TEX11: variants seen among roughly 807,000 people sequenced by gnomAD.
TEX11 encodes the protein testis-expressed protein 11.
TEX11 carries 7 observed loss-of-function variants against 84.4 expected under a neutral mutation model. The observed-to-expected ratio is 0.08, with a 90% CI of 0.05 to 0.16. The LOEUF (loss-of-function observed/expected upper bound fraction) is 0.16. Among genes scored for constraint, TEX11 ranks in the 10% least tolerant of loss-of-function variants. The pLI, the probability that TEX11 is intolerant of heterozygous loss-of-function variation, is 1.00. For missense variants in TEX11, 551 were observed against 660.5 expected, an observed-to-expected ratio of 0.83 and a Z score of 1.82; for synonymous variants, 264 against 222.8, an observed-to-expected ratio of 1.18 and a Z score of -1.64.
Position 70,629,651 on chromosome X carries a change from G to C in TEX11, c.1568C>G (p.Pro523Arg). The part of the protein sequence containing the change: ...DNDLVAERGS[P>R]TMLLSLAAQF... ...GGCAGCTAAACTTAGAAGCATGGTA[G>C]GTGAACCTCTCTCTGCAACTAGATC... is the stretch of plus-strand genomic sequence containing the variant. Residue 523 changes from proline (P) to arginine (R), a missense_variant, in exon 18 of 30, where the codon CCT becomes CGT. Pro to Arg is a moderately radical substitution (Grantham distance 103, BLOSUM62 -2). Transcript: ENST00000374333. The C allele has an allele frequency of 8.3e-7, 1 of 1,206,918 alleles. No individual in the cohort carries two copies. The highest frequency in any genetic ancestry group is 1.1e-6 in the Non-Finnish European group (1 of 891,881).
chrX:70,885,787 A>T (rs943042204), intron 2 of TEX11, among the ~76,000 whole-genome samples: 3 of 107,066 alleles, frequency 2.8e-5, no homozygotes, highest in Non-Finnish European at 5.8e-5. Flanking sequence ...GGTACTTGGG[A>T]GGCTGAAGCA....
chrX:70,907,768 A>G lies in TEX11; in HGVS notation c.22T>C (p.Ser8Pro), dbSNP rs1171647614. MDNDDFF[S>P]MDFKEVVENL... ...AGCTACGTACCTTTAAAGTCCATGG[A>G]AAAAAAATCATCATTGTCCATTTTT... is the stretch of plus-strand genomic sequence containing the variant. Residue 8 changes from serine to proline, a missense_variant, in exon 2 of 30, where the codon TCC becomes CCC. Coordinates refer to ENST00000374333, the MANE Select transcript of TEX11 (RefSeq NM_031276.3). The G allele has an allele frequency of 5.9e-6, 7 of 1,179,805 alleles. No homozygotes were observed. The highest frequency in any genetic ancestry group is 5.3e-5 in the African/African-American group (3 of 56,710).
chrX:70,694,618 T>G (rs921275819), intron 13 of TEX11, among the ~76,000 whole-genome samples: 2 of 112,290 alleles, frequency 1.8e-5, no homozygotes, highest in African/African-American at 6.5e-5. Context: ...AAATGAATGT[T>G]GTAACTACTT....
chrX:70,714,599 A>C (rs2090477787), intron 13 of TEX11, among the ~76,000 whole-genome samples: 1 of 111,259 alleles, frequency 9.0e-6, no homozygotes, highest in South Asian at 3.8e-4. Context: ...GTATTATCAG[A>C]GACTAGGATT....
chrX:70,700,115 T>C (rs986153828), intron 13 of TEX11, among the ~76,000 whole-genome samples: 22 of 110,800 alleles, frequency 2.0e-4, no homozygotes, highest in Non-Finnish European at 3.2e-4. Context: ...GTTTTTTGTT[T>C]GTTTGTTTGT....
intron 9 of TEX11, among the ~76,000 whole-genome samples, chrX:70,761,535 T>G (rs746377837): frequency 2.7e-5 from 3 of 111,761 alleles, no homozygotes; most frequent in Non-Finnish European, 5.6e-5. Context: ...CCGCATGTTC[T>G]CACTCATAAG....
intron 8 of TEX11, among the ~76,000 whole-genome samples, chrX:70,819,099 C>G (rs1236578036): frequency 1.8e-5 from 2 of 111,514 alleles, no homozygotes; most frequent in Non-Finnish European, 3.8e-5. Context: ...TTTATGAAAT[C>G]AGCATTACTC....
At chrX:70,731,249 G>A (rs1411724054) in intron 11 of TEX11, among the ~76,000 whole-genome samples, 2 of 111,325 alleles carry the variant, frequency 1.8e-5, no homozygotes, top group African/African-American at 3.3e-5. Context: ...AAGAATTACA[G>A]AAGCAAGAGC....
chrX:70,854,764 G>C (rs2091526438), intron 5 of TEX11, among the ~76,000 whole-genome samples: 1 of 108,564 alleles, frequency 9.2e-6, no homozygotes, highest in Non-Finnish European at 1.9e-5. Context: ...TGTTATTTTA[G>C]GCCAGGCGCC....
At chrX:70,843,566 A>G (rs2091460513) in intron 7 of TEX11, among the ~76,000 whole-genome samples, 2 of 112,051 alleles carry the variant, frequency 1.8e-5, no homozygotes, top group South Asian at 7.4e-4. Flanking sequence ...TTCATGTCTA[A>G]AACACCAAAA....
intron 26 of TEX11, among the ~76,000 whole-genome samples, chrX:70,554,136 G>T: frequency 8.9e-6 from 1 of 111,901 alleles, no homozygotes; most frequent in Middle Eastern, 4.6e-3. Context: ...CTCCCAAAAA[G>T]GCTCTATGCC....
chrX:70,839,525 C>G (rs2091428428), intron 7 of TEX11, among the ~76,000 whole-genome samples: 1 of 111,418 alleles, frequency 9.0e-6, no homozygotes, highest in South Asian at 3.8e-4. Context: ...GTAGATAAAA[C>G]CACAAAGATG....
At chrX:70,623,649 T>C in intron 20 of TEX11, among the ~76,000 whole-genome samples, 1 of 112,195 alleles carries the variant, frequency 8.9e-6, no homozygotes, top group East Asian at 2.8e-4. Context: ...GCAGATCACA[T>C]AAGTCTTTTG....
the TEX11 span, among the ~76,000 whole-genome samples, chrX:70,515,595 C>G: frequency 2.7e-5 from 3 of 112,073 alleles, no homozygotes; most frequent in African/African-American, 9.7e-5. Context: ...GTGCATGCAT[C>G]TTTATAGTAG....
intron 18 of TEX11, among the ~76,000 whole-genome samples, chrX:70,628,996 G>A (rs759432754): frequency 3.6e-5 from 4 of 111,947 alleles, no homozygotes; most frequent in Non-Finnish European, 5.6e-5. Context: ...CATCTTAATC[G>A]ATTTTCATAA....
chrX:70,530,408 A>G lies in TEX11; in HGVS notation c.2521-409T>C, dbSNP rs765308800. 7.1e-5 allele frequency among the ~76,000 whole-genome samples: 8 copies of G among 112,099 alleles called. No individual in the cohort carries two copies. In the East Asian group the frequency reaches 2.2e-3, roughly 31 times the overall value. ...ATTGAATTTCTTAATTTCTGTCACC[A>G]GAATTAGTCCATATTTGGAGTAGAA... On this transcript the variant is annotated intron_variant, in intron 28 of 29. Transcript: ENST00000374333.
At chrX:70,678,282 G>T (rs2090091945) in intron 15 of TEX11, among the ~76,000 whole-genome samples, 1 of 110,296 alleles carries the variant, frequency 9.1e-6, no homozygotes, top group African/African-American at 3.3e-5. Context: ...CATATTAATT[G>T]CAAGTGGAAG....
intron 9 of TEX11, among the ~76,000 whole-genome samples, chrX:70,804,793 C>G (rs2091208417): frequency 9.1e-6 from 1 of 110,456 alleles, no homozygotes; most frequent in African/African-American, 3.3e-5. Flanking sequence ...AGTCAAAAAC[C>G]AATGGCGTAT....
At chrX:70,512,236 C>CTTA in the TEX11 span, among the ~76,000 whole-genome samples, 1 of 106,104 alleles carries the variant, frequency 9.4e-6, no homozygotes, top group African/African-American at 3.6e-5. Context: ...TTTTCTTCTT[C>CTTA]TTATTATTAT....
Sources: allele counts gnomAD v4.1 joint callset (sites outside exome capture counted in the v4.1 genomes callset), GRCh38; gene constraint gnomAD v4.1.1; transcripts MANE v1.5; gene names NCBI Gene and HGNC (gene_info 2026-07-23, HGNC 2026-07-21).